The following SOX6 variants were observed in gnomAD, a reference collection of about 807,000 sequenced individuals.
SOX6 encodes the protein transcription factor SOX-6.
A neutral mutation model predicts 97.8 loss-of-function variants in SOX6; 11 were observed. That is an observed-to-expected ratio of 0.11 (90% CI 0.07 to 0.19). SOX6 has a LOEUF of 0.19. Ranked by LOEUF, SOX6 falls within the 10% of genes least tolerant of loss-of-function variation. The pLI, the probability that SOX6 is intolerant of heterozygous loss-of-function variation, is 1.00. For synonymous variants in SOX6, 360 were observed against 371.4 expected (o/e 0.97, Z 0.35); for missense variants, 810 against 1,039.5 (o/e 0.78, Z 3.04).
At chr11:16,175,280 C>A (rs747363860) in intron 6 of SOX6, among the ~76,000 whole-genome samples, 3 of 151,816 alleles carry the variant, frequency 2.0e-5, no homozygotes, top group Admixed American at 6.6e-5. Context: ...AGAACAAAAA[C>A]AACAATGATA....
At chr11:16,609,991 C>T (rs959088157) in intron 4 of SOX6, among the ~76,000 whole-genome samples, 1 of 152,200 alleles carries the variant, frequency 6.6e-6, no homozygotes, top group South Asian at 2.1e-4. Context: ...CTGGGCAGCT[C>T]TTAAAGGCCA....
intron 1 of SOX6, chr11:16,402,737 T>C: frequency 1.2e-6 from 2 of 1,610,314 alleles, no homozygotes; most frequent in Non-Finnish European, 1.7e-6. Context: ...ATCACCTGAC[T>C]TAGGGGCTGG....
At chr11:16,727,786 A>C (rs1205459111) in intron 2 of SOX6, among the ~76,000 whole-genome samples, 1 of 152,026 alleles carries the variant, frequency 6.6e-6, no homozygotes, top group Non-Finnish European at 1.5e-5. Context: ...TGTTAGGGGA[A>C]ATTTTATTCA....
At chr11:16,627,883 C>T (rs1275119904) in intron 3 of SOX6, among the ~76,000 whole-genome samples, 5 of 152,096 alleles carry the variant, frequency 3.3e-5, no homozygotes, top group African/African-American at 1.2e-4. Flanking sequence ...GGCTGAAGTC[C>T]AGAATGGTGT....
At position 16,488,577 on chromosome 11, in the gene SOX6, G is replaced by C. The variant is rs1025104234; in HGVS notation, n.610-12189C>G. 3.3e-5 allele frequency among the ~76,000 whole-genome samples: 5 copies of C among 152,192 alleles called. No individual in the cohort carries two copies. The East Asian group carries it at 9.7e-4, about 29-fold the overall frequency. On this transcript the variant is annotated intron_variant and non_coding_transcript_variant, in intron 4 of 5. Coordinates refer to the SOX6 transcript ENST00000524520. ...AGTCATCCACTTTTTAAAGAGGAAT[G>C]CCTTAAGGGTACAAGACCCTACAGT...
chr11:16,055,892 C>G lies in SOX6; in HGVS notation c.1111G>C (p.Ala371Pro), dbSNP rs560901977. 1.9e-6 allele frequency: 3 copies of G among 1,613,566 alleles called. No individual in the cohort carries two copies. Among genetic ancestry groups the G allele is most frequent in the Non-Finnish European group, 2.5e-6 (3 of 1,179,756 alleles). ...ACCTGCATGCTGGCCAGCTGAGCGG[C>G]ATAGAGCTGCTGCAAAACAGGGAAG... The part of the protein sequence containing the change: ...YNHKQIEQLY[A>P]AQLASMQVSP... The change falls in exon 10 of 16, where the codon GCC (alanine) becomes CCC (proline). Residue 371 changes from alanine to proline, a missense_variant. This residue lies in a region of SOX6 where 244 missense variants were observed against 261.0 expected (regional missense o/e 0.93). Transcript: ENST00000683767.
intron 1 of SOX6, among the ~76,000 whole-genome samples, chr11:16,446,408 T>C (rs929687951): frequency 2.0e-5 from 3 of 152,164 alleles, no homozygotes; most frequent in African/African-American, 7.2e-5. Context: ...TTATTTTCTT[T>C]TTAAAATATT....
chr11:16,039,083 G>A (rs1475800281), intron 12 of SOX6, among the ~76,000 whole-genome samples: 1 of 152,006 alleles, frequency 6.6e-6, no homozygotes, highest in Non-Finnish European at 1.5e-5. Context: ...TTAGCAATTA[G>A]GTAAATATGT....
intron 3 of SOX6, among the ~76,000 whole-genome samples, chr11:16,309,790 C>T (rs1376419349): frequency 6.6e-6 from 1 of 151,890 alleles, no homozygotes; most frequent in Non-Finnish European, 1.5e-5. Context: ...CAAAACTGTC[C>T]CCTATTATTT....
intron 13 of SOX6, among the ~76,000 whole-genome samples, chr11:15,998,064 A>G (rs1433824122): frequency 6.6e-6 from 1 of 151,956 alleles, no homozygotes; most frequent in African/African-American, 2.4e-5. Context: ...TGGGCAATAG[A>G]GCAAGACTCC....
chr11:16,703,628 CCT>C (rs1022909589), intron 3 of SOX6, among the ~76,000 whole-genome samples: 2 of 151,866 alleles, frequency 1.3e-5, no homozygotes, highest in African/African-American at 4.8e-5. Flanking sequence ...GGCTTTTACC[CCT>C]CTCTCTCATC....
intron 1 of SOX6, chr11:16,402,579 C>A: frequency 7.1e-7 from 1 of 1,415,848 alleles, no homozygotes; most frequent in Non-Finnish European, 1.0e-6. Context: ...GAGATGGTGA[C>A]AAAGAAATAT....
chr11:16,459,618 A>G (rs1859880357), intron 1 of SOX6, among the ~76,000 whole-genome samples: 1 of 152,080 alleles, frequency 6.6e-6, no homozygotes, highest in Non-Finnish European at 1.5e-5. Context: ...AAGCAAAGAA[A>G]TAGAATATAT....
At chr11:16,358,398 C>G (rs143920005), upstream of SOX6, among the ~76,000 whole-genome samples, 618 of 152,110 alleles carry the variant, frequency 4.1e-3, 1 homozygote, top group Non-Finnish European at 7.0e-3. Flanking sequence ...TATGAAAGAA[C>G]AAATAGTTCT....
chr11:16,136,964 T>C (rs1049756107), intron 6 of SOX6, among the ~76,000 whole-genome samples: 2 of 152,346 alleles, frequency 1.3e-5, no homozygotes, highest in South Asian at 2.1e-4. Flanking sequence ...TTCAGTATCA[T>C]GTTACAAGTG....
At chr11:15,973,414 C>T (rs998471046) in intron 15 of SOX6, among the ~76,000 whole-genome samples, 4 of 152,124 alleles carry the variant, frequency 2.6e-5, no homozygotes, top group Non-Finnish European at 4.4e-5. Context: ...GCATTAGGAA[C>T]AAATGATGTA....
At chr11:16,072,549 C>G (rs1199700563) in intron 9 of SOX6, among the ~76,000 whole-genome samples, 8 of 152,232 alleles carry the variant, frequency 5.3e-5, no homozygotes, top group African/African-American at 1.7e-4. Flanking sequence ...TGAAAATTTT[C>G]CCAACCTCAC....
intron 13 of SOX6, among the ~76,000 whole-genome samples, chr11:16,013,360 A>G (rs2133860837): frequency 6.6e-6 from 1 of 152,132 alleles, no homozygotes; most frequent in East Asian, 1.9e-4. Flanking sequence ...ACTTCCACAC[A>G]GGCTTTTAGG....
intron 4 of SOX6, among the ~76,000 whole-genome samples, chr11:16,592,472 T>C (rs1291080570): frequency 6.6e-6 from 1 of 151,834 alleles, no homozygotes; most frequent in African/African-American, 2.4e-5. Context: ...TTATCAAACA[T>C]ATTTACTTTT....
Sources: allele counts gnomAD v4.1 joint callset (sites outside exome capture counted in the v4.1 genomes callset), GRCh38; gene constraint gnomAD v4.1.1; regional missense constraint gnomAD v4.1.1; transcripts MANE v1.5; gene names NCBI Gene and HGNC (gene_info 2026-07-23, HGNC 2026-07-21).